Variants in ZBBX observed in about 807,000 individuals in gnomAD.
ZBBX encodes zinc finger B-box domain containing.
ZBBX carries 101 observed loss-of-function variants against 108.5 expected under a neutral mutation model. The ratio of observed to expected loss-of-function variants is 0.93; its 90% CI spans 0.79 to 1.10. ZBBX has a LOEUF of 1.10. ZBBX is among the 50% of genes least tolerant of loss of function. ZBBX has a pLI of 0.00. For synonymous variants in ZBBX, 356 were observed against 323.4 expected, an observed-to-expected ratio of 1.10 and a Z score of -1.08; for missense variants, 1,009 against 941.4, an observed-to-expected ratio of 1.07 and a Z score of -0.94.
chr3:167,328,169 C>T, intron 10 of ZBBX, 53 bp from the exon 11 acceptor site: 4 of 1,519,292 alleles, frequency 2.6e-6, no homozygotes, highest in South Asian at 2.6e-5. Context: ...TATTTACCCA[C>T]AAAAATTGTT....
intron 1 of ZBBX, among the ~76,000 whole-genome samples, chr3:167,401,602 A>T: frequency 6.6e-6 from 1 of 152,142 alleles, no homozygotes; most frequent in East Asian, 1.9e-4. Context: ...TTGCCATGTC[A>T]TCTGTAAACT....
chr3:167,368,535 C>T lies in ZBBX; in HGVS notation c.108G>A (p.Glu36=), dbSNP rs1446745039. ...TCTTCTCCATCTCTTGGTTCTCAAA[C>T]TCTAACTGTACTTTCTCCATTCGCA... ...QELRMEKVQL[E]FENQEMEKKL... The change falls in exon 5 of 22, where the codon GAG becomes GAA. Residue 36 remains glutamate, a synonymous_variant. Coordinates refer to ENST00000675490, the MANE Select transcript of ZBBX (RefSeq NM_001199201.2). The T allele has an allele frequency of 1.2e-6, 2 of 1,612,106 alleles. No individual in the cohort carries two copies. Among genetic ancestry groups the T allele is most frequent in the East Asian group, 4.5e-5 (2 of 44,694 alleles).
In ZBBX at chr3:167,240,870, T is replaced by C; in HGVS notation, c.2443A>G (p.Ser815Gly). Residue 815 changes from serine (S) to glycine (G), a missense_variant, in exon 22 of 22, where the codon AGC becomes GGC. Physicochemically the swap from Ser to Gly is moderately conservative, Grantham distance 56. Coordinates refer to ENST00000675490, the MANE Select transcript of ZBBX (RefSeq NM_001199201.2). ...KIQSLLSLSE[S>G]STDEEEEDFL... The stretch of plus-strand genomic sequence containing the variant: ...TCTTCCTCCTCCTCATCTGTACTGC[T>C]CTCAGAAAGTGACAGCAAAGACTGA... The C allele has an allele frequency of 6.2e-7, 1 of 1,613,598 alleles. No homozygotes were observed. The highest frequency in any genetic ancestry group is 1.3e-5 in the African/African-American group (1 of 75,026).
chr3:167,320,579 A>G (rs973858154), intron 12 of ZBBX, among the ~76,000 whole-genome samples: 1 of 152,042 alleles, frequency 6.6e-6, no homozygotes, highest in Non-Finnish European at 1.5e-5. Flanking sequence ...AGTTTAAGGG[A>G]AAACAGAGTT....
chr3:167,198,551 A>G, the ZBBX span, among the ~76,000 whole-genome samples: 1 of 152,196 alleles, frequency 6.6e-6, no homozygotes. Context: ...AGAAAAATGA[A>G]TTAAGTTTAA....
the ZBBX span, among the ~76,000 whole-genome samples, chr3:167,203,309 C>T: frequency 1.3e-5 from 2 of 151,990 alleles, no homozygotes; most frequent in East Asian, 3.9e-4. Context: ...AAGATAGGGC[C>T]CCACCCTAAC....
chr3:167,249,713 T>C (rs1722236259), intron 20 of ZBBX, among the ~76,000 whole-genome samples: 1 of 152,200 alleles, frequency 6.6e-6, no homozygotes, highest in African/African-American at 2.4e-5. Context: ...GGAGAGACGT[T>C]ATGTTACTTT....
chr3:167,192,197 A>G, the ZBBX span, among the ~76,000 whole-genome samples: 2 of 151,796 alleles, frequency 1.3e-5, no homozygotes, highest in African/African-American at 4.8e-5. Context: ...TAATTTTCCC[A>G]GTGGGTTTTA....
intron 5 of ZBBX, among the ~76,000 whole-genome samples, chr3:167,367,587 TA>T (rs5854237): frequency 0.083 from 12,050 of 145,432 alleles, 509 homozygotes; most frequent in Admixed American, 0.11. Context: ...AACTCATTTG[TA>T]AAAAAAAAAA....
intron 15 of ZBBX, among the ~76,000 whole-genome samples, chr3:167,314,333 C>G (rs893781554): frequency 6.6e-6 from 1 of 152,078 alleles, no homozygotes; most frequent in East Asian, 1.9e-4. Flanking sequence ...TGGACCAAAT[C>G]TAATTTAACT....
Position 167,239,898 on chromosome 3 carries a change from C to T in ZBBX, c.*895G>A, listed in dbSNP as rs1052403715. On this transcript the variant is annotated 3_prime_UTR_variant, in exon 22 of 22. Coordinates refer to ENST00000675490, the MANE Select transcript of ZBBX (RefSeq NM_001199201.2). Reference sequence around the variant, plus strand: ...TCACAGTTCAGCATGGTGGGGGAGGCCTCAGGAAATCATGGTGAAAGGGGA... The same window carrying T: ...TCACAGTTCAGCATGGTGGGGGAGGTCTCAGGAAATCATGGTGAAAGGGGA... 6.6e-6 allele frequency among the ~76,000 whole-genome samples: 1 copy of T among 152,032 alleles called. No homozygotes were observed. The highest frequency in any genetic ancestry group is 2.4e-5 in the African/African-American group (1 of 41,398).
chr3:167,305,695 T>C lies in ZBBX; in HGVS notation c.1673A>G (p.Asn558Ser), dbSNP rs759118575. Residue 558 changes from asparagine (N) to serine (S), a missense_variant, in exon 17 of 22, where the codon AAT becomes AGT. Transcript: ENST00000675490. The stretch of plus-strand genomic sequence containing the variant: ...TTCAAAGCTTGGCCTCTTATACAGA[T>C]TGCTCAATTCCAAGGATTCTTTGAT... Reference protein sequence around the residue: ...QDIKESLELSNLYKRPSFEES... With the variant: ...QDIKESLELSSLYKRPSFEES... 1 of 1,608,712 alleles carries C rather than the reference T, an allele frequency of 6.2e-7. No individual in the cohort carries two copies. The highest frequency in any genetic ancestry group is 8.5e-7 in the Non-Finnish European group (1 of 1,178,440).
At chr3:167,407,590 G>A (rs1323036285) in intron 1 of ZBBX, among the ~76,000 whole-genome samples, 1 of 151,916 alleles carries the variant, frequency 6.6e-6, no homozygotes, top group African/African-American at 2.4e-5. Flanking sequence ...ACAAAATACA[G>A]TATACACTGT....
At position 167,330,964 on chromosome 3, in the gene ZBBX, T is replaced by TCTCTCTCTCTCC. The variant is rs1310209358; in HGVS notation, c.688-2849_688-2848insGGAGAGAGAGAG. ...CTTTCTTTCTCTCTCTCTCTCTCTC[T>TCTCTCTCTCTCC]CCCCCACTCCCCTTCTGTATGCATG... On this transcript the variant is annotated intron_variant, in intron 10 of 21. Coordinates refer to ENST00000675490, the MANE Select transcript of ZBBX (RefSeq NM_001199201.2). 4.8e-5 allele frequency among the ~76,000 whole-genome samples: 7 copies of TCTCTCTCTCTCC among 145,942 alleles called. 1 individual carries two copies. The highest frequency in any genetic ancestry group is 1.8e-4 in the African/African-American group (7 of 39,464).
At chr3:167,283,138 G>A (rs967541854) in intron 19 of ZBBX, among the ~76,000 whole-genome samples, 3 of 152,124 alleles carry the variant, frequency 2.0e-5, no homozygotes, top group Non-Finnish European at 2.9e-5. Context: ...TTATTACATT[G>A]TTCCTCTAGG....
chr3:167,332,324 G>A (rs1738791816), intron 10 of ZBBX, among the ~76,000 whole-genome samples: 1 of 151,086 alleles, frequency 6.6e-6, no homozygotes, highest in Non-Finnish European at 1.5e-5. Flanking sequence ...CCCCACCCAC[G>A]GAGATGCTGA....
At chr3:167,195,315 T>C in the ZBBX span, among the ~76,000 whole-genome samples, 21 of 152,180 alleles carry the variant, frequency 1.4e-4, no homozygotes, top group Non-Finnish European at 2.8e-4. Context: ...AGCTTAACCA[T>C]TCAAATTTAC....
intron 12 of ZBBX, among the ~76,000 whole-genome samples, chr3:167,320,522 C>T (rs991304265): frequency 3.3e-5 from 5 of 152,024 alleles, no homozygotes; most frequent in African/African-American, 1.2e-4. Flanking sequence ...AGAGTACTAA[C>T]TGCTGCAGGC....
intron 20 of ZBBX, among the ~76,000 whole-genome samples, chr3:167,269,634 C>G (rs1726182919): frequency 6.6e-6 from 1 of 152,160 alleles, no homozygotes. Flanking sequence ...AGGGTTAAAG[C>G]CCATAATTGA....
Sources: gnomAD v4.1 joint callset for allele counts (sites outside exome capture counted in the v4.1 genomes callset) on GRCh38, gnomAD v4.1.1 for gene constraint, MANE v1.5 for transcripts, NCBI Gene and HGNC (gene_info 2026-07-23, HGNC 2026-07-21) for gene names.